The following TPP2 variants were observed in gnomAD, a reference collection of about 807,000 sequenced individuals.
TPP2 encodes tripeptidyl-peptidase 2.
In TPP2, 34 loss-of-function variants were observed where a neutral mutation model predicts 155.9. The observed-to-expected ratio is 0.22, with a 90% CI of 0.17 to 0.29. The LOEUF (loss-of-function observed/expected upper bound fraction) is 0.29, where lower values mean the gene tolerates loss of function less well. Among genes scored for constraint, TPP2 ranks in the 10% least tolerant of loss-of-function variants. The probability of loss-of-function intolerance (pLI) is 1.00; values close to 1 mark genes in which losing one functional copy is unlikely to be tolerated. For missense variants in TPP2, 1,028 were observed against 1,522.3 expected (o/e 0.68, Z 5.40); for synonymous variants, 510 against 529.4 (o/e 0.96, Z 0.50).
intron 4 of TPP2, 66 bp downstream of exon 4, chr13:102,616,566 A>AC: frequency 7.9e-7 from 1 of 1,262,620 alleles, no homozygotes; most frequent in Non-Finnish European, 1.1e-6. Flanking sequence ...TTTCTACAGA[A>AC]CTAATAGACT....
intron 17 of TPP2, 94 bp downstream of exon 17, chr13:102,643,470 T>C: frequency 8.3e-7 from 1 of 1,203,098 alleles, no homozygotes; most frequent in South Asian, 2.6e-5. Flanking sequence ...TTATAGTTTG[T>C]ATTTAGCATG....
In TPP2 at chr13:102,627,180, A is replaced by AGTT; in HGVS notation, c.939+19_939+21dup. On this transcript the variant is annotated intron_variant, in intron 7 of 29. Transcript: ENST00000376052. Reference sequence around the variant, plus strand: ...CTCATAAGAGCTGTGAGTGTTTGTGAGTTGTTGATTCAGAAGATTAATGAT... The same window carrying AGTT: ...CTCATAAGAGCTGTGAGTGTTTGTGAGTTGTTGTTGATTCAGAAGATTAATGAT... The AGTT allele has an allele frequency of 6.4e-7, 1 of 1,552,700 alleles. No homozygotes were observed. The highest frequency in any genetic ancestry group is 8.7e-7 in the Non-Finnish European group (1 of 1,152,836).
At chr13:102,659,322 A>G (rs1015117477) in intron 25 of TPP2, among the ~76,000 whole-genome samples, 2 of 152,226 alleles carry the variant, frequency 1.3e-5, no homozygotes, top group African/African-American at 2.4e-5. Context: ...ATGGCTGGAA[A>G]CACCCCATAT....
chr13:102,637,063 T>C lies in TPP2; in HGVS notation c.1679-19T>C. ...GGAAAAAAATACTCATCTTTAATTT[T>C]TGGTCTTTTTCGTGCCAGAAAACTC... is the stretch of plus-strand genomic sequence containing the variant. On this transcript the variant is annotated intron_variant, in intron 13 of 29. Coordinates refer to ENST00000376052, the MANE Select transcript of TPP2 (RefSeq NM_001330588.2). 1 of 1,563,446 alleles carries C rather than the reference T, an allele frequency of 6.4e-7. No homozygotes were observed. The highest frequency in any genetic ancestry group is 8.6e-7 in the Non-Finnish European group (1 of 1,161,994).
Position 102,636,343 on chromosome 13 carries a change from A to G in TPP2, c.1629A>G (p.Ala543=), listed in dbSNP as rs374777500. The part of the protein sequence containing the change: ...IYLRDPVQVA[A]PSDHGVGIEP... ...TCCGAGATCCTGTTCAGGTGGCTGC[A>G]CCTTCAGATCATGGCGTTGGCATTG... Residue 543 remains alanine (A), a synonymous_variant, in exon 13 of 30, where the codon GCA becomes GCG. Transcript: ENST00000376052. 1.2e-6 allele frequency: 2 copies of G among 1,613,738 alleles called. No homozygotes were observed. The highest frequency in any genetic ancestry group is 1.1e-5 in the South Asian group (1 of 91,028).
rs763112796 is a variant in TPP2, at chr13:102,644,918, G to A, written c.2302G>A (p.Glu768Lys). The A allele has an allele frequency of 3.7e-6, 6 of 1,613,770 alleles. No individual in the cohort carries two copies. Among genetic ancestry groups the A allele is most frequent in the Non-Finnish European group, 5.1e-6 (6 of 1,179,830 alleles). Residue 768 changes from glutamate to lysine, a missense_variant, in exon 19 of 30, where the codon GAA becomes AAA. Around this residue, in one of 7 missense-constraint regions of TPP2, gnomAD observed 325 missense variants for 463.7 expected, o/e 0.70. Coordinates refer to ENST00000376052, the MANE Select transcript of TPP2 (RefSeq NM_001330588.2). The stretch of plus-strand genomic sequence containing the variant: ...GAGAAATCCTTTGTAGCATGCATCG[G>A]AAGGAATCAACCGCTTTGATGTTCA... ...TAPQLNIHAS[E>K]GINRFDVQSS...
chr13:102,674,649 A>C (rs898749879), intron 28 of TPP2, among the ~76,000 whole-genome samples, 159 bp downstream of exon 28: 2 of 152,176 alleles, frequency 1.3e-5, no homozygotes, highest in Admixed American at 1.3e-4. Context: ...TGTTTGTCTC[A>C]CCTTTTTTTA....
At chr13:102,665,655 G>A (rs1264326054) in intron 27 of TPP2, among the ~76,000 whole-genome samples, 1 of 152,152 alleles carries the variant, frequency 6.6e-6, no homozygotes, top group Non-Finnish European at 1.5e-5. Context: ...CTCTCCCAGT[G>A]TCAGTTACTT....
intron 2 of TPP2, among the ~76,000 whole-genome samples, chr13:102,608,669 T>A (rs1405261175): frequency 6.6e-6 from 1 of 152,124 alleles, no homozygotes; most frequent in Non-Finnish European, 1.5e-5. Context: ...ATTTTATCTC[T>A]GAGATAAAAT....
intron 23 of TPP2, among the ~76,000 whole-genome samples, chr13:102,650,876 A>G (rs781780899): frequency 2.6e-5 from 4 of 152,178 alleles, no homozygotes; most frequent in Non-Finnish European, 4.4e-5. Flanking sequence ...TGTTGAGTTC[A>G]TTATAACTTC....
rs768020503 is a variant in TPP2, at chr13:102,635,570, T to G, written c.1394-17T>G. On this transcript the variant is annotated splice_polypyrimidine_tract_variant and intron_variant, in intron 11 of 29. Transcript: ENST00000376052. ...ATAGTGAGTGCTACACTACTTGTTTTTGTTTCTTAATTTTAGGTCTGAAAG... is the reference window on the plus strand; with the variant it reads ...ATAGTGAGTGCTACACTACTTGTTTGTGTTTCTTAATTTTAGGTCTGAAAG... 3.1e-6 allele frequency: 5 copies of G among 1,598,684 alleles called. No individual in the cohort carries two copies. The South Asian group carries it at 5.5e-5, about 18-fold the overall frequency.
chr13:102,658,021 G>C (rs1435912783), intron 25 of TPP2, among the ~76,000 whole-genome samples: 1 of 152,030 alleles, frequency 6.6e-6, no homozygotes. Flanking sequence ...TTTCTATTCA[G>C]ACATTAGGTG....
At chr13:102,673,692 A>C (rs660596) in intron 27 of TPP2, among the ~76,000 whole-genome samples, 100,928 of 152,092 alleles carry the variant, frequency 0.66, 33,690 homozygotes, top group Middle Eastern at 0.7. Flanking sequence ...TCCTAACTGG[A>C]GGACCTTGAA....
intron 8 of TPP2, 111 bp from the exon 9 acceptor site, chr13:102,629,371 G>C (rs947337337): frequency 7.9e-7 from 1 of 1,267,040 alleles, no homozygotes; most frequent in Non-Finnish European, 1.0e-6. Context: ...TTCCACCAAG[G>C]GTGGATGTAC....
rs200500581 is a variant in TPP2 at position 102,640,407 on chromosome 13, T to C, written c.2020+31T>C. 5.0e-5 allele frequency: 77 copies of C among 1,530,836 alleles called. No individual in the cohort carries two copies. In the East Asian group the frequency reaches 1.7e-3, roughly 34 times the overall value. 94.8% of individuals were successfully genotyped at this position (1,530,836 alleles called of 1,614,324 possible). A position where few individuals can be genotyped will look rare whatever the true frequency, so the allele number is the denominator to read the frequency against. On this transcript the variant is annotated intron_variant, in intron 16 of 29. Coordinates refer to ENST00000376052, the MANE Select transcript of TPP2 (RefSeq NM_001330588.2). ...TAAAATTAAAATCTGTGTGACCGCT[T>C]ATCTCTGTTTACGTTCTAATGACTA...
At chr13:102,664,946 C>T (rs747000010) in intron 27 of TPP2, 21 bp downstream of exon 27, 1 of 1,608,366 alleles carries the variant, frequency 6.2e-7, no homozygotes, top group Non-Finnish European at 8.5e-7. Flanking sequence ...AGTAAATAAT[C>T]TTTCTTGCAT....
chr13:102,659,980 A>T (rs1468240317), intron 25 of TPP2, among the ~76,000 whole-genome samples: 1 of 111,608 alleles, frequency 9.0e-6, no homozygotes. Flanking sequence ...ATGACTGCAG[A>T]TAGTAAAGTA....
At chr13:102,614,251 C>G in intron 3 of TPP2, 55 bp downstream of exon 3, 1 of 1,389,448 alleles carries the variant, frequency 7.2e-7, no homozygotes, top group Middle Eastern at 1.8e-4. Flanking sequence ...TCTTCTTCCT[C>G]AGATTTTATT....
rs950305745 is a variant in TPP2, at chr13:102,646,161, C to T, written c.2394-133C>T. 8 of 562,170 alleles carry T rather than the reference C, an allele frequency of 1.4e-5. No homozygotes were observed. In the East Asian group the frequency reaches 2.5e-4, roughly 17 times the overall value. The allele number at this position is 562,170 out of a possible 1,614,324, so 34.8% of individuals were successfully genotyped here. A position where few individuals can be genotyped will look rare whatever the true frequency, so the allele number is the denominator to read the frequency against. Reference sequence around the variant, plus strand: ...AGTGATTAAAATATTGTAGAGTATACTGAAAAGGATAGCTCTCAGGAAGGT... The same window carrying T: ...AGTGATTAAAATATTGTAGAGTATATTGAAAAGGATAGCTCTCAGGAAGGT... On this transcript the variant is annotated intron_variant, in intron 19 of 29. Coordinates refer to ENST00000376052, the MANE Select transcript of TPP2 (RefSeq NM_001330588.2).
Sources: allele counts gnomAD v4.1 joint callset (sites outside exome capture counted in the v4.1 genomes callset), GRCh38; gene constraint gnomAD v4.1.1; regional missense constraint gnomAD v4.1.1; transcripts MANE v1.5; gene names NCBI Gene and HGNC (gene_info 2026-07-23, HGNC 2026-07-21).